The following CAMK2G variants were observed in gnomAD, a reference collection of about 807,000 sequenced individuals.
The protein encoded by CAMK2G is calcium/calmodulin-dependent protein kinase type II subunit gamma.
In CAMK2G, 23 loss-of-function variants were observed where a neutral mutation model predicts 88.7. The ratio of observed to expected loss-of-function variants is 0.26; its 90% CI spans 0.19 to 0.37. CAMK2G has a LOEUF of 0.37. CAMK2G is among the 10% of genes least tolerant of loss of function. The pLI is 1.00. For missense variants in CAMK2G, 476 were observed against 780.8 expected, an observed-to-expected ratio of 0.61 and a Z score of 4.65; for synonymous variants, 263 against 294.8, an observed-to-expected ratio of 0.89 and a Z score of 1.11.
intron 2 of CAMK2G, among the ~76,000 whole-genome samples, chr10:73,861,224 G>A (rs1468262500): frequency 6.6e-6 from 1 of 152,162 alleles, no homozygotes; most frequent in Non-Finnish European, 1.5e-5. Flanking sequence ...TTTTCCAGAT[G>A]AGGAAATGAC....
intron 18 of CAMK2G, 101 bp downstream of exon 18, chr10:73,821,581 A>G (rs959891066): frequency 2.3e-6 from 2 of 871,982 alleles, no homozygotes; most frequent in African/African-American, 3.3e-5. Flanking sequence ...CATAGGAGCC[A>G]GCATTCCCAG....
chr10:73,834,972 C>G (rs2093019683), intron 14 of CAMK2G, among the ~76,000 whole-genome samples: 1 of 151,840 alleles, frequency 6.6e-6, no homozygotes, highest in Non-Finnish European at 1.5e-5. Context: ...CTGAAGTTCC[C>G]AGAATCATCA....
intron 2 of CAMK2G, among the ~76,000 whole-genome samples, chr10:73,865,510 G>A (rs2135726873): frequency 6.6e-6 from 1 of 152,328 alleles, no homozygotes; most frequent in South Asian, 2.1e-4. Flanking sequence ...CTCTTCCCCT[G>A]ACACTTCCTG....
intron 15 of CAMK2G, among the ~76,000 whole-genome samples, chr10:73,827,012 C>G (rs1286094551): frequency 1.3e-5 from 2 of 152,192 alleles, no homozygotes; most frequent in Non-Finnish European, 1.5e-5. Context: ...TCATTCCCAC[C>G]AAGAAGCAAA....
intron 10 of CAMK2G, among the ~76,000 whole-genome samples, chr10:73,844,254 T>C (rs1590662820): frequency 6.6e-6 from 1 of 150,842 alleles, no homozygotes; most frequent in Non-Finnish European, 1.5e-5. Context: ...CCAGCTAATT[T>C]TTAAAGTTTT....
intron 16 of CAMK2G, among the ~76,000 whole-genome samples, chr10:73,824,369 C>CA (rs2090198799): frequency 6.6e-6 from 1 of 152,200 alleles, no homozygotes; most frequent in Admixed American, 6.5e-5. Context: ...TGATTCCTGT[C>CA]AGTTCTGAGG....
At position 73,839,337 on chromosome 10, in the gene CAMK2G, C is replaced by T. The variant is rs914645431; in HGVS notation, c.1009+202G>A. On this transcript the variant is annotated intron_variant, in intron 13 of 22. Transcript: ENST00000423381. The surrounding 1 kb of genome is among the most constrained non-coding windows in gnomAD (Gnocchi z 4.2). ...CTACTGCCCCCTGAAAGTTGGCAAG[C>T]GCCCAGCATGCATGGCTGGTTAGGG... 2.0e-5 allele frequency among the ~76,000 whole-genome samples: 3 copies of T among 152,232 alleles called. No individual in the cohort carries two copies. Among genetic ancestry groups the T allele is most frequent in the Non-Finnish European group, 4.4e-5 (3 of 68,046 alleles).
At chr10:73,822,000 G>A (rs186517776) in intron 17 of CAMK2G, among the ~76,000 whole-genome samples, 2 of 151,940 alleles carry the variant, frequency 1.3e-5, no homozygotes, top group African/African-American at 4.8e-5. Context: ...TATTCAGATC[G>A]CCCAATCTAA....
rs1437101240 is a variant in CAMK2G at position 73,842,408 on chromosome 10, G to C, written c.903+50C>G. 7.2e-7 allele frequency: 1 copy of C among 1,385,840 alleles called. No individual in the cohort carries two copies. Among genetic ancestry groups the C allele is most frequent in the African/African-American group, 1.4e-5 (1 of 70,434 alleles). The allele number at this position is 1,385,840 out of a possible 1,614,324, so 85.8% of individuals were successfully genotyped here. A position where few individuals can be genotyped will look rare whatever the true frequency, so the allele number is the denominator to read the frequency against. On this transcript the variant is annotated intron_variant, in intron 11 of 22. Transcript: ENST00000423381. The surrounding 1 kb of genome is among the most constrained non-coding windows in gnomAD (Gnocchi z 4.6). ...TCTGAAATGGGGCAGGAGCCACACT[G>C]GTGCAAGGCATGATGTCAAGGAGGC...
At chr10:73,870,047 C>T (rs1489112526) in intron 2 of CAMK2G, among the ~76,000 whole-genome samples, 2 of 152,052 alleles carry the variant, frequency 1.3e-5, no homozygotes, top group Admixed American at 6.6e-5. Context: ...TGTTATGCTC[C>T]ACGAGGTGAA....
At chr10:73,868,043 C>T (rs1270586183) in intron 2 of CAMK2G, among the ~76,000 whole-genome samples, 2 of 152,148 alleles carry the variant, frequency 1.3e-5, no homozygotes, top group East Asian at 3.9e-4. Flanking sequence ...TGCAAAGTGC[C>T]CATCTCCTCC....
rs1438402819 is a variant in CAMK2G, at chr10:73,821,689, G to A, written c.1242C>T (p.Asp414=). Residue 414 remains aspartate (D), a synonymous_variant, in exon 18 of 23, where the codon GAC becomes GAT. Coordinates refer to ENST00000423381, the MANE Select transcript of CAMK2G (RefSeq NM_001367534.1). Reference sequence around the variant, plus strand: ...CCAAGGGCCAGCACCTACCTTTGAGGTCCTCATCTTCTGTGGTGGTGTTGC... The same window carrying A: ...CCAAGGGCCAGCACCTACCTTTGAGATCCTCATCTTCTGTGGTGGTGTTGC... ...ESCNTTTEDE[D]LKAAPLRTGN... 7 of 1,610,920 alleles carry A rather than the reference G, an allele frequency of 4.3e-6. No homozygotes were observed.
At chr10:73,846,675 T>C (rs1258502466) in intron 10 of CAMK2G, 1 of 152,318 alleles carries the variant, frequency 6.6e-6, no homozygotes, top group Admixed American at 6.5e-5. Context: ...TCCTCTTCTT[T>C]GTCTGAAAGT....
Position 73,821,658 on chromosome 10 carries a change from C to T in CAMK2G, c.1249+24G>A. ...TACCTGGGTCACTGCTGGAGTCCTT[C>T]CCCCTCCAAGGGCCAGCACCTACCT... On this transcript the variant is annotated intron_variant, in intron 18 of 22. Coordinates refer to ENST00000423381, the MANE Select transcript of CAMK2G (RefSeq NM_001367534.1). The T allele has an allele frequency of 1.9e-6, 3 of 1,594,128 alleles. No individual in the cohort carries two copies. In the African/African-American group the frequency reaches 4.0e-5, roughly 21 times the overall value.
At chr10:73,851,146 T>C (rs997876416) in intron 5 of CAMK2G, among the ~76,000 whole-genome samples, 21 of 152,310 alleles carry the variant, frequency 1.4e-4, no homozygotes, top group African/African-American at 5.1e-4. Context: ...CAGCAAACAT[T>C]GGCCTCTCAA....
chr10:73,860,468 C>A (rs1461245900), intron 3 of CAMK2G, among the ~76,000 whole-genome samples: 1 of 152,168 alleles, frequency 6.6e-6, no homozygotes, highest in Non-Finnish European at 1.5e-5. Context: ...CTGACCCTTG[C>A]ATGAGGGCTG....
At chr10:73,821,062 G>A (rs537267613) in intron 18 of CAMK2G, among the ~76,000 whole-genome samples, 4 of 152,046 alleles carry the variant, frequency 2.6e-5, no homozygotes, top group African/African-American at 9.6e-5. Context: ...CACTTGCCTC[G>A]GCCTCCCAAA....
chr10:73,832,968 T>TC (rs1491561938), intron 14 of CAMK2G, among the ~76,000 whole-genome samples: 3 of 105,654 alleles, frequency 2.8e-5, no homozygotes, highest in East Asian at 5.7e-4. Flanking sequence ...CTTCTCTCTC[T>TC]TTTTTTTTTT....
Position 73,842,589 on chromosome 10 carries a change from G to T in CAMK2G, c.820-48C>A, listed in dbSNP as rs375005600. The stretch of plus-strand genomic sequence containing the variant: ...ATGAGCCCCAGCCCAGATCCTCTGC[G>T]CCTCCCACAGTCCTGGCACCGATAC... On this transcript the variant is annotated intron_variant, in intron 10 of 22. Transcript: ENST00000423381. The surrounding 1 kb of genome is among the most constrained non-coding windows in gnomAD (Gnocchi z 4.6). The T allele has an allele frequency of 7.5e-7, 1 of 1,335,944 alleles. No homozygotes were observed. The highest frequency in any genetic ancestry group is 1.1e-6 in the Non-Finnish European group (1 of 928,128). The allele number at this position is 1,335,944 out of a possible 1,614,324, so 82.8% of individuals were successfully genotyped here.
Sources: allele counts gnomAD v4.1 joint callset (sites outside exome capture counted in the v4.1 genomes callset), GRCh38; gene constraint gnomAD v4.1.1; non-coding constraint Gnocchi (gnomAD v3.1); transcripts MANE v1.5; gene names NCBI Gene and HGNC (gene_info 2026-07-23, HGNC 2026-07-21).